Variants in CROCC2 observed in about 807,000 individuals in gnomAD.
The protein encoded by CROCC2 is ciliary rootlet coiled-coil protein 2.
Under a neutral mutation model 177.6 loss-of-function variants are expected in CROCC2, and 163 were observed. The observed-to-expected ratio is 0.92, with a 90% CI of 0.81 to 1.05. CROCC2 has a LOEUF of 1.05. Among genes scored for constraint, CROCC2 ranks in the 50% least tolerant of loss-of-function variants. The pLI is 0.00. For synonymous variants in CROCC2, 904 were observed against 787.3 expected (o/e 1.15, Z -2.48); for missense variants, 1,929 against 1,797.8 (o/e 1.07, Z -1.32).
At position 240,984,386 on chromosome 2, in the gene CROCC2, G is replaced by A. The variant is rs578250474; in HGVS notation, c.4551+1357G>A. Among the ~76,000 whole-genome samples, 30 of 152,116 alleles carry A rather than the reference G, an allele frequency of 2.0e-4. No homozygotes were observed. In the South Asian group the frequency reaches 6.0e-3, roughly 30 times the overall value. ...GATAGGGAAACAGCCCAATAAAGAG[G>A]AAATGGCATTCCAGGAAGCAGGCAG... is the stretch of plus-strand genomic sequence containing the variant. On this transcript the variant is annotated intron_variant, in intron 28 of 31. Transcript: ENST00000690015.
At chr2:240,919,896 C>A in intron 2 of CROCC2, 87 bp from the exon 3 acceptor site, 1 of 618,252 alleles carries the variant, frequency 1.6e-6, no homozygotes. Flanking sequence ...GGTGGCCAGC[C>A]CAGGGTCCCA....
intron 21 of CROCC2, 149 bp from the exon 22 acceptor site, chr2:240,964,317 C>T: frequency 1.1e-6 from 1 of 948,238 alleles, no homozygotes; most frequent in East Asian, 2.6e-5. Context: ...TGTAAGGTGA[C>T]AGGGAACCCT....
intron 1 of CROCC2, among the ~76,000 whole-genome samples, chr2:240,910,359 G>A (rs2059279763): frequency 1.7e-5 from 1 of 58,682 alleles, no homozygotes; most frequent in Non-Finnish European, 4.7e-5. Flanking sequence ...CTCAGAGCTG[G>A]GGGCTCCTCA....
At chr2:240,910,148 C>A (rs2059278138) in intron 1 of CROCC2, among the ~76,000 whole-genome samples, 1 of 152,294 alleles carries the variant, frequency 6.6e-6, no homozygotes, top group Non-Finnish European at 1.5e-5. Flanking sequence ...AAACTCTCAA[C>A]CTCTGTCCCT....
In CROCC2 at chr2:240,983,011, G is replaced by T; in HGVS notation, c.4533G>T (p.Ser1511=). 1 of 1,550,300 alleles carries T rather than the reference G, an allele frequency of 6.5e-7. No individual in the cohort carries two copies. The highest frequency in any genetic ancestry group is 1.4e-5 in the African/African-American group (1 of 73,166). Residue 1511 remains serine (S), a synonymous_variant, in exon 28 of 32, where the codon TCG becomes TCT. Transcript: ENST00000690015. Reference sequence around the variant, plus strand: ...ACAGGTGCCAGAAGGCTGAGGTATCGCTGGAGCCCCTGCGACAGGTGAGGG... The same window carrying T: ...ACAGGTGCCAGAAGGCTGAGGTATCTCTGGAGCCCCTGCGACAGGTGAGGG... ...LEHRCQKAEV[S]LEPLRQMEQE...
intron 15 of CROCC2, among the ~76,000 whole-genome samples, chr2:240,947,057 G>T (rs546258498): frequency 5.6e-4 from 86 of 152,398 alleles, no homozygotes; most frequent in African/African-American, 1.9e-3. Context: ...ACAGCTGATG[G>T]CTTCTGTGCC....
rs75438615 is a variant in CROCC2 at position 240,921,274 on chromosome 2, C to T, written c.381+1140C>T. On this transcript the variant is annotated intron_variant, in intron 3 of 31. Coordinates refer to ENST00000690015, the MANE Select transcript of CROCC2 (RefSeq NM_001351305.2). ...CTCTGCTCCCCACCCAGTTCTATCA[C>T]GCCCTGACCCCCACACGGGAAACAC... 0.014 allele frequency among the ~76,000 whole-genome samples: 2,061 copies of T among 152,274 alleles called. 89 individuals are homozygous for T. In the East Asian group the frequency reaches 0.15, roughly 11 times the overall value.
At position 240,922,600 on chromosome 2, in the gene CROCC2, T is replaced by C; in HGVS notation, c.443T>C (p.Val148Ala). Reference protein sequence around the residue: ...QLRRSELEHSVDLEEALGRLE... With the variant: ...QLRRSELEHSADLEEALGRLE... ...CGGAGGTCAGAGCTGGAGCACAGCG[T>C]GGATCTGGAGGAGGCCCTTGGCCGT... The change falls in exon 4 of 32, where the codon GTG becomes GCG. Residue 148 changes from valine to alanine, a missense_variant. Physicochemically the swap from Val to Ala is moderately conservative, Grantham distance 64. Around this residue, in one of 3 missense-constraint regions of CROCC2, gnomAD observed 1,397 missense variants for 1,239.9 expected, o/e 1.13. Coordinates refer to ENST00000690015, the MANE Select transcript of CROCC2 (RefSeq NM_001351305.2). The C allele has an allele frequency of 1.5e-6, 1 of 685,810 alleles. No individual in the cohort carries two copies. The highest frequency in any genetic ancestry group is 2.7e-6 in the Non-Finnish European group (1 of 366,832). The allele number at this position is 685,810 out of a possible 1,614,324, so 42.5% of individuals were successfully genotyped here. A position where few individuals can be genotyped will look rare whatever the true frequency, so the allele number is the denominator to read the frequency against.
chr2:240,992,210 G>A (rs1423860497), intron 31 of CROCC2, among the ~76,000 whole-genome samples: 1 of 152,168 alleles, frequency 6.6e-6, no homozygotes, highest in Non-Finnish European at 1.5e-5. Flanking sequence ...TCTCCAAAGG[G>A]CCGCATGCTT....
At position 240,972,373 on chromosome 2, in the gene CROCC2, C is replaced by G. The variant is rs74576924; in HGVS notation, c.4401+4111C>G. Among the ~76,000 whole-genome samples the G allele has an allele frequency of 6.6e-6, 1 of 151,690 alleles. No homozygotes were observed. Among genetic ancestry groups the G allele is most frequent in the Non-Finnish European group, 1.5e-5 (1 of 68,000 alleles). On this transcript the variant is annotated intron_variant, in intron 27 of 31. Coordinates refer to ENST00000690015, the MANE Select transcript of CROCC2 (RefSeq NM_001351305.2). This position sits in a 1 kb window ranked among gnomAD's most constrained non-coding sequence, Gnocchi z 7.1. ...TGGGCGGGGTGGGAGCGGCGCTCTC[C>G]GGTGCACGGTCACGGTGCGGTCCTC...
rs191515026 is a variant in CROCC2, at chr2:240,913,859, G to T, written c.79-4867G>T. Among the ~76,000 whole-genome samples, 7 of 152,368 alleles carry T rather than the reference G, an allele frequency of 4.6e-5. 2 individuals are homozygous for T. Among genetic ancestry groups the T allele is most frequent in the African/African-American group, 1.7e-4 (7 of 41,606 alleles). ...CCACCCAGCCCAAGGCCCTCTCTGC[G>T]GCGGGCCGGGCTGCGGAAGGACGGC... is the stretch of plus-strand genomic sequence containing the variant. On this transcript the variant is annotated intron_variant, in intron 1 of 31. Coordinates refer to ENST00000690015, the MANE Select transcript of CROCC2 (RefSeq NM_001351305.2).
At chr2:240,969,877 C>T (rs970847427) in intron 27 of CROCC2, among the ~76,000 whole-genome samples, 7 of 152,020 alleles carry the variant, frequency 4.6e-5, no homozygotes, top group African/African-American at 1.7e-4. Flanking sequence ...ATTACAGGCA[C>T]CCGCCAATAC....
chr2:240,944,941 G>A (rs1286003746), intron 14 of CROCC2, among the ~76,000 whole-genome samples: 2 of 152,034 alleles, frequency 1.3e-5, no homozygotes, highest in South Asian at 2.1e-4. Flanking sequence ...GTTGTTGTTT[G>A]TTTGTTTGTT....
Position 240,949,502 on chromosome 2 carries a change from G to T in CROCC2, c.2483-31G>T, listed in dbSNP as rs746685197. 50 of 1,546,770 alleles carry T rather than the reference G, an allele frequency of 3.2e-5. No individual in the cohort carries two copies. The highest frequency in any genetic ancestry group is 4.0e-5 in the Non-Finnish European group (46 of 1,144,020). ...AAGGGTTCAGGGGTCCACATGCCAG[G>T]CCCTGGTGCATCTCACCCATCACCC... On this transcript the variant is annotated intron_variant, in intron 16 of 31. Transcript: ENST00000690015. This position sits in a 1 kb window ranked among gnomAD's most constrained non-coding sequence, Gnocchi z 4.5.
At position 240,918,277 on chromosome 2, in the gene CROCC2, G is replaced by T. The variant is rs368821786; in HGVS notation, c.79-449G>T. Among the ~76,000 whole-genome samples the T allele has an allele frequency of 1.3e-5, 2 of 152,080 alleles. No homozygotes were observed. Among genetic ancestry groups the T allele is most frequent in the African/African-American group, 4.8e-5 (2 of 41,392 alleles). On this transcript the variant is annotated intron_variant, in intron 1 of 31. Transcript: ENST00000690015. The surrounding 1 kb of genome is among the most constrained non-coding windows in gnomAD (Gnocchi z 6.3). ...ACACACTGGGCTCTGTGACTGCTGC[G>T]TGGGATCTAGGTCCCTCCTCTGGCC...
intron 19 of CROCC2, among the ~76,000 whole-genome samples, chr2:240,956,703 G>A (rs1174483234): frequency 6.6e-6 from 1 of 152,160 alleles, no homozygotes; most frequent in African/African-American, 2.4e-5. Flanking sequence ...TGGAGAGGAG[G>A]GCTCTGGGGA....
chr2:240,964,290 C>T, intron 21 of CROCC2, 176 bp from the exon 22 acceptor site: 1 of 723,006 alleles, frequency 1.4e-6, no homozygotes, highest in Non-Finnish European at 2.3e-6. Context: ...GCACCGGGAC[C>T]TGGGTGGACA....
Position 240,972,763 on chromosome 2 carries a change from A to C in CROCC2, c.4401+4501A>C, listed in dbSNP as rs532517776. ...CCCATTTTTAGGCCAAGTTGGTCTC[A>C]TCTGCCCTCGGGAGTCCTCCAAGTC... On this transcript the variant is annotated intron_variant, in intron 27 of 31. Coordinates refer to ENST00000690015, the MANE Select transcript of CROCC2 (RefSeq NM_001351305.2). The surrounding 1 kb of genome is among the most constrained non-coding windows in gnomAD (Gnocchi z 7.1). Among the ~76,000 whole-genome samples, 3 of 152,192 alleles carry C rather than the reference A, an allele frequency of 2.0e-5. No individual in the cohort carries two copies. In the East Asian group the frequency reaches 5.8e-4, roughly 29 times the overall value.
chr2:240,954,463 AT>A (rs896558839), intron 18 of CROCC2, among the ~76,000 whole-genome samples: 6 of 152,198 alleles, frequency 3.9e-5, no homozygotes, highest in African/African-American at 1.2e-4. Flanking sequence ...TTAGAGATTC[AT>A]TATCAAACAT....
Sources: gnomAD v4.1 joint callset for allele counts (sites outside exome capture counted in the v4.1 genomes callset) on GRCh38, gnomAD v4.1.1 for gene constraint, gnomAD v4.1.1 regional missense constraint, Gnocchi (gnomAD v3.1) non-coding constraint, MANE v1.5 for transcripts, NCBI Gene and HGNC (gene_info 2026-07-23, HGNC 2026-07-21) for gene names.